The following FKBP5 variants were observed in gnomAD, a reference collection of about 807,000 sequenced individuals.
The protein encoded by FKBP5 is FKBP prolyl isomerase 5.
FKBP5 carries 23 observed loss-of-function variants against 50.5 expected under a neutral mutation model. The ratio of observed to expected loss-of-function variants is 0.46; its 90% CI spans 0.33 to 0.65. The LOEUF (loss-of-function observed/expected upper bound fraction) is 0.65. Ranked by LOEUF, FKBP5 falls within the 30% of genes least tolerant of loss-of-function variation. FKBP5 has a pLI of 0.02. For synonymous variants in FKBP5, 176 were observed against 190.6 expected (o/e 0.92, Z 0.63); for missense variants, 411 against 553.1 (o/e 0.74, Z 2.58).
intron 1 of FKBP5, among the ~76,000 whole-genome samples, chr6:35,654,425 A>G (rs1210243104): frequency 6.6e-6 from 1 of 152,222 alleles, no homozygotes; most frequent in Admixed American, 6.5e-5. Context: ...TAAAGAAGTC[A>G]GCAAGACTAT....
At chr6:35,615,408 GA>G (rs1763620671) in intron 5 of FKBP5, among the ~76,000 whole-genome samples, 3 of 152,020 alleles carry the variant, frequency 2.0e-5, no homozygotes, top group African/African-American at 7.3e-5. Context: ...AAAATTTTAA[GA>G]TGAGCCATGA....
intron 2 of FKBP5, among the ~76,000 whole-genome samples, chr6:35,719,086 C>G (rs1766561719): frequency 6.6e-6 from 1 of 152,206 alleles, no homozygotes; most frequent in African/African-American, 2.4e-5. Context: ...GTGTCCCAAG[C>G]CCTCTGGTCC....
chr6:35,653,328 C>G lies in FKBP5; in HGVS notation c.-19-10485G>C, dbSNP rs1764863937. Among the ~76,000 whole-genome samples, 4 of 152,086 alleles carry G rather than the reference C, an allele frequency of 2.6e-5. No individual in the cohort carries two copies. The South Asian group carries it at 8.3e-4, about 32-fold the overall frequency. ...CTTTGATGGCACCACTGTACTCCAGCCTGGGTAACAAAGACCCTGTCTCTT... is the reference window on the plus strand; with the variant it reads ...CTTTGATGGCACCACTGTACTCCAGGCTGGGTAACAAAGACCCTGTCTCTT... On this transcript the variant is annotated intron_variant, in intron 1 of 10. Transcript: ENST00000357266.
At chr6:35,687,281 T>A (rs2151013743) in intron 1 of FKBP5, among the ~76,000 whole-genome samples, 1 of 152,348 alleles carries the variant, frequency 6.6e-6, no homozygotes, top group Non-Finnish European at 1.5e-5. Context: ...ATGTCATTTG[T>A]ATAGAATCTC....
chr6:35,589,533 T>A (rs946834624), intron 7 of FKBP5, among the ~76,000 whole-genome samples: 2 of 152,160 alleles, frequency 1.3e-5, no homozygotes, highest in Non-Finnish European at 2.9e-5. Flanking sequence ...AGTGCATGAA[T>A]ATACTCTTGG....
chr6:35,602,135 A>G lies in FKBP5; in HGVS notation c.509-4731T>C, dbSNP rs115486159. Among the ~76,000 whole-genome samples the G allele has an allele frequency of 7.9e-3, 1,192 of 151,744 alleles. 17 individuals are homozygous for G. The highest frequency in any genetic ancestry group is 0.025 in the African/African-American group (1,046 of 41,520). Reference sequence around the variant, plus strand: ...ACATGAACTCGATGTGCTGACAGCAATTTGTACTCCGATTAAAATAGGGGG... The same window carrying G: ...ACATGAACTCGATGTGCTGACAGCAGTTTGTACTCCGATTAAAATAGGGGG... On this transcript the variant is annotated intron_variant, in intron 5 of 10. Coordinates refer to ENST00000357266, the MANE Select transcript of FKBP5 (RefSeq NM_004117.4).
intron 1 of FKBP5, among the ~76,000 whole-genome samples, chr6:35,662,808 T>A (rs1238823728): frequency 2.6e-5 from 4 of 152,176 alleles, no homozygotes; most frequent in Admixed American, 6.5e-5. Flanking sequence ...ATACTATGAA[T>A]CCTACACACC....
At chr6:35,623,199 G>A (rs369470539) in intron 3 of FKBP5, among the ~76,000 whole-genome samples, 12 of 152,220 alleles carry the variant, frequency 7.9e-5, no homozygotes, top group African/African-American at 2.9e-4. Context: ...CCGAGATAGC[G>A]CCACTGCACT....
chr6:35,710,254 G>A (rs1443960265), intron 2 of FKBP5, among the ~76,000 whole-genome samples: 1 of 152,096 alleles, frequency 6.6e-6, no homozygotes, highest in Admixed American at 6.6e-5. Flanking sequence ...TGAGGTAGGA[G>A]GATTGCTTGA....
intron 1 of FKBP5, among the ~76,000 whole-genome samples, chr6:35,678,361 G>C (rs984298430): frequency 6.6e-6 from 1 of 152,062 alleles, no homozygotes; most frequent in East Asian, 1.9e-4. Flanking sequence ...TAGGTTTGGG[G>C]CCTAAAAAAG....
chr6:35,636,124 T>C lies in FKBP5; in HGVS notation c.250+890A>G, dbSNP rs182919927. Among the ~76,000 whole-genome samples the C allele has an allele frequency of 7.3e-4, 111 of 152,330 alleles. 1 individual carries two copies. The highest frequency in any genetic ancestry group is 1.2e-3 in the Admixed American group (19 of 15,300). ...CTGAGAAAATATTCATTCTTAGTTA[T>C]ACAGATCTTCCAAATGTGGACACAT... On this transcript the variant is annotated intron_variant, in intron 3 of 10. Coordinates refer to ENST00000357266, the MANE Select transcript of FKBP5 (RefSeq NM_004117.4).
chr6:35,575,853 T>C lies in FKBP5; in HGVS notation c.1356A>G (p.Lys452=). Residue 452 remains lysine (K), a synonymous_variant, in exon 11 of 11, where the codon AAA becomes AAG. Transcript: ENST00000357266. ...GTDSQAMEEE[K]PEGHV is the part of the protein sequence containing the mutation. ...CGTGGCGTCATACGTGGCCCTCAGG[T>C]TTCTCTTCTTCCATTGCTTGACTGT... 1.2e-6 allele frequency: 2 copies of C among 1,613,486 alleles called. No homozygotes were observed. Among genetic ancestry groups the C allele is most frequent in the Non-Finnish European group, 1.7e-6 (2 of 1,179,418 alleles).
chr6:35,710,582 A>C (rs1473575976), intron 2 of FKBP5, among the ~76,000 whole-genome samples: 1 of 152,272 alleles, frequency 6.6e-6, no homozygotes, highest in African/African-American at 2.4e-5. Context: ...TTTGGAACAC[A>C]GTTTAGCAGT....
At chr6:35,641,924 C>T (rs1042019669) in intron 2 of FKBP5, among the ~76,000 whole-genome samples, 7 of 151,364 alleles carry the variant, frequency 4.6e-5, no homozygotes, top group African/African-American at 9.7e-5. Flanking sequence ...ATCCAGGAGG[C>T]GGAGGTTGCA....
At chr6:35,707,215 C>CTTTTTTTTTTTTTTTTTTTTTTTTTTT in intron 2 of FKBP5, among the ~76,000 whole-genome samples, 1 of 116,928 alleles carries the variant, frequency 8.6e-6, no homozygotes, top group Non-Finnish European at 1.7e-5. Flanking sequence ...TATGAGAAGA[C>CTTTTTTTTTTTTTTTTTTTTTTTTTTT]TTTTTTTTTT....
chr6:35,669,336 G>A (rs1581868299), intron 1 of FKBP5, among the ~76,000 whole-genome samples: 1 of 152,236 alleles, frequency 6.6e-6, no homozygotes, highest in African/African-American at 2.4e-5. Context: ...ACAATAATCT[G>A]TTGCCTTTTT....
intron 5 of FKBP5, among the ~76,000 whole-genome samples, chr6:35,608,214 G>C (rs1763386656): frequency 6.6e-6 from 1 of 152,034 alleles, no homozygotes; most frequent in Non-Finnish European, 1.5e-5. Flanking sequence ...AGACACTGGG[G>C]ACTCCAAAAG....
intron 1 of FKBP5, among the ~76,000 whole-genome samples, chr6:35,670,243 G>A (rs760527573): frequency 2.6e-5 from 4 of 152,034 alleles, no homozygotes; most frequent in Non-Finnish European, 4.4e-5. Flanking sequence ...CATGATTCAC[G>A]ATTCACTTTT....
chr6:35,615,972 G>T (rs1763640371), intron 5 of FKBP5, among the ~76,000 whole-genome samples: 1 of 152,094 alleles, frequency 6.6e-6, no homozygotes. Flanking sequence ...AAACATCCCA[G>T]AAACCCAAAT....
Sources: allele counts gnomAD v4.1 joint callset (sites outside exome capture counted in the v4.1 genomes callset), GRCh38; gene constraint gnomAD v4.1.1; transcripts MANE v1.5; gene names NCBI Gene and HGNC (gene_info 2026-07-23, HGNC 2026-07-21).